PSD3: variants seen among roughly 807,000 people sequenced by gnomAD.
PSD3 encodes pleckstrin and Sec7 domain containing 3, also known as PH and SEC7 domain-containing protein 3.
PSD3 carries 49 observed loss-of-function variants against 105.5 expected under a neutral mutation model. The observed-to-expected ratio is 0.46, with a 90% confidence interval of 0.37 to 0.59. The LOEUF is 0.59. Among genes scored for constraint, PSD3 ranks in the 20% least tolerant of loss-of-function variants. PSD3 has a pLI of 0.00. For missense variants in PSD3, 1,561 were observed against 1,263.8 expected, an observed-to-expected ratio of 1.24 and a Z score of -3.57; for synonymous variants, 557 against 457.8, an observed-to-expected ratio of 1.22 and a Z score of -2.77.
intron 12 of PSD3, among the ~76,000 whole-genome samples, chr8:18,600,010 C>T (rs2717746): frequency 0.75 from 113,467 of 152,076 alleles, 43,332 homozygotes; most frequent in South Asian, 0.89. Flanking sequence ...AAATAAGGGT[C>T]ACTTGAACAC....
intron 2 of PSD3, among the ~76,000 whole-genome samples, chr8:18,905,571 C>G (rs1819789934): frequency 1.3e-5 from 2 of 152,204 alleles, no homozygotes; most frequent in Admixed American, 6.5e-5. Context: ...ATCCACCCAC[C>G]TCGGCCTCCC....
At chr8:18,949,221 C>CAAAAAAAAAAAAA (rs1213755572) in intron 1 of PSD3, among the ~76,000 whole-genome samples, 3 of 11,900 alleles carry the variant, frequency 2.5e-4, no homozygotes, top group Non-Finnish European at 3.7e-4. Flanking sequence ...GACTCTGTCT[C>CAAAAAAAAAAAAA]AAAAAAAAAA....
intron 4 of PSD3, among the ~76,000 whole-genome samples, chr8:18,838,802 A>ATAT (rs1814364672): frequency 7.6e-6 from 1 of 131,870 alleles, no homozygotes; most frequent in Non-Finnish European, 1.6e-5. Context: ...ACTCCGTCTC[A>ATAT]AATAATAATA....
At chr8:18,687,707 G>A (rs1585622100) in intron 9 of PSD3, among the ~76,000 whole-genome samples, 1 of 152,114 alleles carries the variant, frequency 6.6e-6, no homozygotes, top group Non-Finnish European at 1.5e-5. Context: ...TTGGGTTTGT[G>A]TGTGTGCGCT....
chr8:18,639,094 A>G (rs1807466717), intron 10 of PSD3, among the ~76,000 whole-genome samples: 1 of 152,192 alleles, frequency 6.6e-6, no homozygotes, highest in South Asian at 2.1e-4. Context: ...TGGGCAGCCT[A>G]CAGACAGGCC....
chr8:18,584,199 G>C lies in PSD3; in HGVS notation c.2482-8914C>G, dbSNP rs909593478. 2.0e-5 allele frequency among the ~76,000 whole-genome samples: 3 copies of C among 152,294 alleles called. No homozygotes were observed. In the East Asian group the frequency reaches 5.8e-4, roughly 29 times the overall value. ...TGGAAAGTCTCATATCCCAGTGAAAGAGTGGCTGGAGCCAGGCAAGTGCAA... is the reference window on the plus strand; with the variant it reads ...TGGAAAGTCTCATATCCCAGTGAAACAGTGGCTGGAGCCAGGCAAGTGCAA... On this transcript the variant is annotated intron_variant, in intron 12 of 15. Transcript: ENST00000327040.
At position 18,986,594 on chromosome 8, in the gene PSD3, A is replaced by G. The variant is rs961096695; in HGVS notation, c.21+26969T>C. On this transcript the variant is annotated intron_variant, in intron 1 of 15. Coordinates refer to ENST00000327040, the MANE Select transcript of PSD3 (RefSeq NM_015310.4). ...AAAAAAGTTCAATGTTTGAAAAAAA[A>G]AATCTCACAAGCATTTTATTAATGG... Among the ~76,000 whole-genome samples the G allele has an allele frequency of 5.8e-4, 89 of 152,180 alleles. 1 individual carries two copies. Among genetic ancestry groups the G allele is most frequent in the Admixed American group, 5.6e-3 (85 of 15,274 alleles).
intron 9 of PSD3, among the ~76,000 whole-genome samples, chr8:18,670,781 G>C (rs558495296): frequency 6.6e-6 from 1 of 152,122 alleles, no homozygotes. Flanking sequence ...AAATGTGTGC[G>C]AGTATCTGGG....
intron 8 of PSD3, among the ~76,000 whole-genome samples, chr8:18,775,589 C>A (rs1391540404): frequency 1.3e-5 from 2 of 152,182 alleles, no homozygotes; most frequent in Non-Finnish European, 2.9e-5. Flanking sequence ...CCCTGTAACA[C>A]TGAACATCTA....
At chr8:19,070,862 T>C (rs189097784) in intron 1 of PSD3, among the ~76,000 whole-genome samples, 49 of 152,292 alleles carry the variant, frequency 3.2e-4, no homozygotes, top group African/African-American at 1.1e-3. Flanking sequence ...AGATAATCAA[T>C]CTAGGTGTAT....
rs572397956 is a variant in PSD3, at chr8:18,922,905, G to A, written c.130+13129C>T. Among the ~76,000 whole-genome samples the A allele has an allele frequency of 1.2e-3, 187 of 152,240 alleles. 1 individual carries two copies. The highest frequency in any genetic ancestry group is 4.4e-3 in the African/African-American group (183 of 41,546). ...GTTCCATGCCCTCTCTGGACACACC[G>A]CCGTCCTGGAACCTCCATGTGTTCG... On this transcript the variant is annotated intron_variant, in intron 2 of 15. Coordinates refer to ENST00000327040, the MANE Select transcript of PSD3 (RefSeq NM_015310.4).
In PSD3 at chr8:18,594,757, T is replaced by C. The variant is rs1386430523; in HGVS notation, c.2481+5607A>G. 2.6e-5 allele frequency among the ~76,000 whole-genome samples: 4 copies of C among 152,062 alleles called. No individual in the cohort carries two copies. In the East Asian group the frequency reaches 7.8e-4, roughly 29 times the overall value. Reference sequence around the variant, plus strand: ...CATATATCATATGTATATCCTTCTGTACACGTTTTACATCATCTCTAGATT... The same window carrying C: ...CATATATCATATGTATATCCTTCTGCACACGTTTTACATCATCTCTAGATT... On this transcript the variant is annotated intron_variant, in intron 12 of 15. Transcript: ENST00000327040.
chr8:18,693,515 T>C (rs773490934), intron 9 of PSD3, among the ~76,000 whole-genome samples: 3 of 152,218 alleles, frequency 2.0e-5, no homozygotes, highest in Non-Finnish European at 4.4e-5. Context: ...CAAAACAACA[T>C]CCTGCTTTAG....
chr8:19,015,793 A>G (rs1334304933), upstream of PSD3, among the ~76,000 whole-genome samples: 1 of 152,250 alleles, frequency 6.6e-6, no homozygotes, highest in African/African-American at 2.4e-5. Flanking sequence ...CCTGGCCTAT[A>G]GTGAATGTTC....
In PSD3 at chr8:18,532,367, C is replaced by G. The variant is rs1454122930; in HGVS notation, c.*3376G>C. The G allele has an allele frequency of 1.3e-5, 2 of 152,220 alleles. No individual in the cohort carries two copies. Among genetic ancestry groups the G allele is most frequent in the Non-Finnish European group, 2.9e-5 (2 of 68,048 alleles). 9.4% of individuals were successfully genotyped at this position (152,220 alleles called of 1,614,324 possible). A position where few individuals can be genotyped will look rare whatever the true frequency, so the allele number is the denominator to read the frequency against. ...GGAAAGCCACCCAGATTTTCCTCTTCCAGAGTAAATTCCTCATGTCACTTT... is the reference window on the plus strand; with the variant it reads ...GGAAAGCCACCCAGATTTTCCTCTTGCAGAGTAAATTCCTCATGTCACTTT... On this transcript the variant is annotated 3_prime_UTR_variant, in exon 16 of 16. Transcript: ENST00000327040.
chr8:18,562,127 A>T (rs1801428928), intron 14 of PSD3, among the ~76,000 whole-genome samples: 1 of 152,150 alleles, frequency 6.6e-6, no homozygotes, highest in Non-Finnish European at 1.5e-5. Context: ...CCATCCGCGA[A>T]CCTCACCGAG....
At chr8:18,624,006 G>A (rs1806308485) in intron 11 of PSD3, among the ~76,000 whole-genome samples, 1 of 151,800 alleles carries the variant, frequency 6.6e-6, no homozygotes, top group African/African-American at 2.4e-5. Context: ...TCAATTATAT[G>A]GATATACAAA....
intron 9 of PSD3, among the ~76,000 whole-genome samples, chr8:18,715,793 C>T (rs1193252566): frequency 6.6e-6 from 1 of 152,144 alleles, no homozygotes; most frequent in African/African-American, 2.4e-5. Context: ...TTACTCCAAC[C>T]CTCCAGGCAG....
rs1310062723 is a variant in PSD3 at position 18,949,257 on chromosome 8, ATATATATATATATATATATATT to A, written c.22-13137_22-13116del. ...AAAAAAAAAAAAAATATATATATAT[ATATATATATATATATATATATT>A]TATAGTTTTCTTCTCTTCCAAGGAG... On this transcript the variant is annotated intron_variant, in intron 1 of 15. Transcript: ENST00000327040. Among the ~76,000 whole-genome samples, 373 of 99,746 alleles carry A rather than the reference ATATATATATATATATATATATT, an allele frequency of 3.7e-3. 3 individuals carry two copies. The highest frequency in any genetic ancestry group is 6.0e-3 in the Non-Finnish European group (297 of 49,216). The allele number at this position is 99,746 out of a possible 152,430, so 65.4% of individuals were successfully genotyped here.
Sources: gnomAD v4.1 joint callset for allele counts (sites outside exome capture counted in the v4.1 genomes callset) on GRCh38, gnomAD v4.1.1 for gene constraint, MANE v1.5 for transcripts, NCBI Gene and HGNC (gene_info 2026-07-23, HGNC 2026-07-21) for gene names.